The following SLC38A6 variants were observed in gnomAD, a reference collection of about 807,000 sequenced individuals.
The protein encoded by SLC38A6 is solute carrier family 38 member 6.
In SLC38A6, 73 loss-of-function variants were observed where a neutral mutation model predicts 65.0. That is an observed-to-expected ratio of 1.12 (90% CI 0.93 to 1.37). The LOEUF (loss-of-function observed/expected upper bound fraction) is 1.37. Ranked by LOEUF, SLC38A6 falls within the 40% of genes most tolerant of loss-of-function variation. The pLI, the probability that SLC38A6 is intolerant of heterozygous loss-of-function variation, is 0.00. For synonymous variants in SLC38A6, 183 were observed against 178.8 expected, an observed-to-expected ratio of 1.02 and a Z score of -0.19; for missense variants, 561 against 531.1, an observed-to-expected ratio of 1.06 and a Z score of -0.55.
At chr14:61,047,129 T>A (rs2042199489) in intron 12 of SLC38A6, among the ~76,000 whole-genome samples, 1 of 152,092 alleles carries the variant, frequency 6.6e-6, no homozygotes, top group South Asian at 2.1e-4. Context: ...ACAAACACTA[T>A]TATATTTAGG....
chr14:60,985,107 A>G (rs1187648337), intron 3 of SLC38A6, among the ~76,000 whole-genome samples: 1 of 152,310 alleles, frequency 6.6e-6, no homozygotes, highest in Non-Finnish European at 1.5e-5. Flanking sequence ...TCCAAACCTT[A>G]TGCTTATGGA....
At chr14:61,065,567 A>T (rs2042994619) in intron 15 of SLC38A6, among the ~76,000 whole-genome samples, 1 of 152,210 alleles carries the variant, frequency 6.6e-6, no homozygotes, top group African/African-American at 2.4e-5. Context: ...GGGGTAGTGA[A>T]GTAAGCAGAG....
intron 12 of SLC38A6, among the ~76,000 whole-genome samples, chr14:61,049,339 C>T (rs1167531990): frequency 6.6e-6 from 1 of 152,136 alleles, no homozygotes; most frequent in African/African-American, 2.4e-5. Context: ...TTCTCAGATG[C>T]ACATTCCCTT....
At chr14:61,041,540 A>C (rs2139769917) in intron 8 of SLC38A6, among the ~76,000 whole-genome samples, 1 of 152,346 alleles carries the variant, frequency 6.6e-6, no homozygotes, top group Admixed American at 6.5e-5. Context: ...TACCTGGTGC[A>C]CAGCAAGTCC....
intron 3 of SLC38A6, among the ~76,000 whole-genome samples, chr14:60,993,703 A>G (rs2038070460): frequency 6.6e-6 from 1 of 152,240 alleles, no homozygotes; most frequent in South Asian, 2.1e-4. Context: ...TTTAATCATC[A>G]TATAGTTAAG....
intron 8 of SLC38A6, among the ~76,000 whole-genome samples, chr14:61,038,642 A>G (rs1047043229): frequency 2.0e-5 from 3 of 152,206 alleles, no homozygotes; most frequent in Non-Finnish European, 4.4e-5. Flanking sequence ...CCTAGGGTGC[A>G]TTTAACTTAG....
At chr14:61,024,445 GCCACTGCTACTGGGAC>G (rs2040504360) in intron 5 of SLC38A6, among the ~76,000 whole-genome samples, 1 of 152,144 alleles carries the variant, frequency 6.6e-6, no homozygotes, top group African/African-American at 2.4e-5. Context: ...TTTGTTGAGA[GCCACTGCTACTGGGAC>G]CCAAAGTCAG....
At chr14:61,026,461 A>G (rs1287488873) in intron 5 of SLC38A6, among the ~76,000 whole-genome samples, 1 of 152,156 alleles carries the variant, frequency 6.6e-6, no homozygotes, top group African/African-American at 2.4e-5. Flanking sequence ...CATTGAAAAT[A>G]TATCTCAAGA....
chr14:61,065,388 C>T (rs2042988240), intron 15 of SLC38A6, among the ~76,000 whole-genome samples: 2 of 152,134 alleles, frequency 1.3e-5, no homozygotes, highest in African/African-American at 4.8e-5. Flanking sequence ...ACGAATTATC[C>T]ATTTTCCGGT....
intron 3 of SLC38A6, among the ~76,000 whole-genome samples, chr14:61,014,638 CT>C: frequency 6.6e-6 from 1 of 152,280 alleles, no homozygotes; most frequent in Middle Eastern, 3.4e-3. Flanking sequence ...TTGGAGTTTA[CT>C]GGAAGTCCAC....
At chr14:61,016,739 TTTTG>T (rs2040037035) in intron 4 of SLC38A6, among the ~76,000 whole-genome samples, 2 of 152,340 alleles carry the variant, frequency 1.3e-5, no homozygotes, top group East Asian at 3.9e-4. Flanking sequence ...ACAGGAATTC[TTTTG>T]TTTGTAAATC....
intron 3 of SLC38A6, among the ~76,000 whole-genome samples, chr14:60,992,014 G>T (rs2037928870): frequency 6.6e-6 from 1 of 152,160 alleles, no homozygotes; most frequent in Admixed American, 6.5e-5. Flanking sequence ...ATTAAAGGTG[G>T]CAATGAGCCC....
intron 12 of SLC38A6, 122 bp from the exon 13 acceptor site, chr14:61,050,390 A>G (rs1208199740): frequency 5.6e-6 from 3 of 536,750 alleles, no homozygotes; most frequent in Admixed American, 4.1e-5. Flanking sequence ...GCTAGGGGAA[A>G]GGCCAGGATT....
At position 61,051,959 on chromosome 14, in the gene SLC38A6, A is replaced by T. The variant is rs200132877; in HGVS notation, c.1195+28A>T. The T allele has an allele frequency of 3.1e-6, 5 of 1,603,670 alleles. No homozygotes were observed. In the African/African-American group the frequency reaches 6.7e-5, roughly 22 times the overall value. ...AAGTTTTCTGTTTCAAAAAGTTCAC[A>T]TAATAAAATTGATAAAATTGCTACC... On this transcript the variant is annotated intron_variant, in intron 14 of 15. Coordinates refer to ENST00000267488, the MANE Select transcript of SLC38A6 (RefSeq NM_153811.3).
At chr14:61,013,439 G>C (rs946084933) in intron 3 of SLC38A6, among the ~76,000 whole-genome samples, 4 of 152,272 alleles carry the variant, frequency 2.6e-5, no homozygotes, top group Admixed American at 1.3e-4. Context: ...GATGTTAGCT[G>C]GTTATTTTGC....
chr14:61,060,982 G>A (rs997514041), intron 15 of SLC38A6, among the ~76,000 whole-genome samples: 121 of 150,520 alleles, frequency 8.0e-4, no homozygotes, highest in Admixed American at 2.0e-3. Context: ...GCTTCGGCTC[G>A]CGCACGGTGC....
intron 4 of SLC38A6, among the ~76,000 whole-genome samples, chr14:61,018,940 T>A (rs2040182599): frequency 6.6e-6 from 1 of 152,180 alleles, no homozygotes; most frequent in South Asian, 2.1e-4. Flanking sequence ...GGGGAGGAAT[T>A]CTCCAATATC....
At chr14:61,079,802 G>T (rs1423972229) in intron 16 of SLC38A6, among the ~76,000 whole-genome samples, 1 of 152,132 alleles carries the variant, frequency 6.6e-6, no homozygotes, top group Non-Finnish European at 1.5e-5. Context: ...CAGTATACTT[G>T]GTGAGTGTTG....
rs1338214350 is a variant in SLC38A6, at chr14:61,045,360, A to G, written c.759A>G (p.Leu253=). The G allele has an allele frequency of 1.2e-6, 2 of 1,613,582 alleles. No homozygotes were observed. Among genetic ancestry groups the G allele is most frequent in the South Asian group, 1.1e-5 (1 of 91,072 alleles). Reference sequence around the variant, plus strand: ...ATTTTTTTCAGAGTGCTTATGCCTTACCAACCATGGCTTTTTCATTTCTCT... The same window carrying G: ...ATTTTTTTCAGAGTGCTTATGCCTTGCCAACCATGGCTTTTTCATTTCTCT... ...FHFSKESAYA[L]PTMAFSFLCH... is the part of the protein sequence containing the mutation. The change falls in exon 11 of 16, where the codon TTA becomes TTG. Residue 253 remains leucine, a synonymous_variant. Coordinates refer to ENST00000267488, the MANE Select transcript of SLC38A6 (RefSeq NM_153811.3).
Sources: allele counts gnomAD v4.1 joint callset (sites outside exome capture counted in the v4.1 genomes callset), GRCh38; gene constraint gnomAD v4.1.1; transcripts MANE v1.5; gene names NCBI Gene and HGNC (gene_info 2026-07-23, HGNC 2026-07-21).